Variants in SLC25A48 observed in about 807,000 individuals in gnomAD.
SLC25A48 encodes the protein solute carrier family 25 member 48, also known as CTC-321K16.1.
Under a neutral mutation model 32.2 loss-of-function variants are expected in SLC25A48, and 29 were observed. That is an observed-to-expected ratio of 0.90 (90% CI 0.67 to 1.23). The LOEUF (loss-of-function observed/expected upper bound fraction) is 1.23, where lower values mean the gene tolerates loss of function less well. Ranked by LOEUF, SLC25A48 falls within the 50% of genes most tolerant of loss-of-function variation. The pLI is 0.00. For synonymous variants in SLC25A48, 164 were observed against 172.3 expected, an observed-to-expected ratio of 0.95 and a Z score of 0.38; for missense variants, 399 against 422.7, an observed-to-expected ratio of 0.94 and a Z score of 0.49.
At chr5:135,720,099 G>T (rs1040746531) in intron 3 of SLC25A48, among the ~76,000 whole-genome samples, 1 of 152,218 alleles carries the variant, frequency 6.6e-6, no homozygotes, top group African/African-American at 2.4e-5. Flanking sequence ...GCTGAAAAAC[G>T]CAGTAGCTCA....
intron 3 of SLC25A48, among the ~76,000 whole-genome samples, chr5:135,765,383 C>T (rs1439616749): frequency 3.3e-5 from 5 of 151,144 alleles, no homozygotes; most frequent in African/African-American, 7.3e-5. Context: ...CTCTTCATAT[C>T]GCTGGTGGTG....
At chr5:135,615,326 G>T (rs180738102) in intron 1 of SLC25A48, among the ~76,000 whole-genome samples, 1 of 152,278 alleles carries the variant, frequency 6.6e-6, no homozygotes, top group South Asian at 2.1e-4. Flanking sequence ...AGTGAACACC[G>T]GGCTGATTAG....
Position 135,888,030 on chromosome 5 carries a change from A to G in SLC25A48, c.*8-2A>G, listed in dbSNP as rs762394386. On this transcript the variant is annotated splice_acceptor_variant, in intron 7 of 7. Transcript: ENST00000681962. LOFTEE classifies it low-confidence loss of function (3UTR_SPLICE). ...TGAGTCTGGGTTGTTTGCTGTTTCCAGGAGGTGAACACAGGATGACTACAG... is the reference window on the plus strand; with the variant it reads ...TGAGTCTGGGTTGTTTGCTGTTTCCGGGAGGTGAACACAGGATGACTACAG... The G allele has an allele frequency of 6.4e-7, 1 of 1,551,306 alleles. No homozygotes were observed. Among genetic ancestry groups the G allele is most frequent in the Non-Finnish European group, 8.7e-7 (1 of 1,146,662 alleles).
intron 3 of SLC25A48, among the ~76,000 whole-genome samples, chr5:135,701,701 C>T (rs1754399813): frequency 6.6e-6 from 1 of 152,186 alleles, no homozygotes; most frequent in South Asian, 2.1e-4. Flanking sequence ...GCTCCATGTT[C>T]CCTCGGCAAG....
chr5:135,643,064 C>G (rs534381701), intron 3 of SLC25A48, among the ~76,000 whole-genome samples: 1 of 152,330 alleles, frequency 6.6e-6, no homozygotes, highest in Admixed American at 6.5e-5. Flanking sequence ...GAACAGTCAG[C>G]AGTCTGGGGT....
chr5:135,883,185 T>A (rs1352034010), intron 7 of SLC25A48: 23 of 985,378 alleles, frequency 2.3e-5, no homozygotes, highest in Non-Finnish European at 2.8e-5. Context: ...CAGAACCTCT[T>A]CCTTCCTTCA....
At chr5:135,850,319 G>T (rs867724977) in intron 2 of SLC25A48, 106 bp from the exon 3 acceptor site, 1 of 1,128,326 alleles carries the variant, frequency 8.9e-7, no homozygotes, top group Middle Eastern at 2.0e-4. Context: ...CAGACCCTTT[G>T]CTGGCGGGGG....
chr5:135,634,905 G>A (rs2126910801), exon 3 of SLC25A48: 1 of 152,360 alleles, frequency 6.6e-6, no homozygotes, highest in Admixed American at 6.5e-5. Context: ...CAAGAACTCT[G>A]GAGCCAGATG....
intron 3 of SLC25A48, among the ~76,000 whole-genome samples, chr5:135,772,089 G>A (rs1280634486): frequency 1.3e-5 from 2 of 151,218 alleles, no homozygotes; most frequent in Non-Finnish European, 3.0e-5. Context: ...ACCACCCTGT[G>A]ATATTATTCA....
intron 2 of SLC25A48, among the ~76,000 whole-genome samples, chr5:135,844,616 G>C (rs1316565526): frequency 6.6e-6 from 1 of 152,166 alleles, no homozygotes; most frequent in Non-Finnish European, 1.5e-5. Flanking sequence ...AAGATTATAA[G>C]CATTGTTTCT....
At chr5:135,785,914 C>A (rs1476061083) in intron 3 of SLC25A48, among the ~76,000 whole-genome samples, 1 of 149,226 alleles carries the variant, frequency 6.7e-6, no homozygotes, top group African/African-American at 2.5e-5. Context: ...TGTAGAGCAT[C>A]CTTCTTGTCC....
At chr5:135,665,635 C>T (rs1753504913) in intron 3 of SLC25A48, among the ~76,000 whole-genome samples, 1 of 152,050 alleles carries the variant, frequency 6.6e-6, no homozygotes, top group Non-Finnish European at 1.5e-5. Context: ...TCGCGTTTTA[C>T]ATGTGGCTAG....
At chr5:135,717,154 A>G (rs1473275443) in intron 3 of SLC25A48, among the ~76,000 whole-genome samples, 1 of 152,140 alleles carries the variant, frequency 6.6e-6, no homozygotes, top group Non-Finnish European at 1.5e-5. Flanking sequence ...GGAGCTCACT[A>G]CCTGCTCTTC....
chr5:135,874,801 C>G, intron 6 of SLC25A48: 2 of 646,588 alleles, frequency 3.1e-6, no homozygotes, highest in South Asian at 3.5e-5. Flanking sequence ...TGTCTGGTGT[C>G]CAAGGTAATA....
At chr5:135,803,744 TA>T (rs1757392332) in intron 3 of SLC25A48, among the ~76,000 whole-genome samples, 2 of 151,508 alleles carry the variant, frequency 1.3e-5, no homozygotes, top group Admixed American at 1.3e-4. Flanking sequence ...GGCACTGTAA[TA>T]GGATATCGCC....
intron 3 of SLC25A48, among the ~76,000 whole-genome samples, chr5:135,670,119 T>A (rs979025278): frequency 3.3e-5 from 5 of 152,286 alleles, no homozygotes; most frequent in Admixed American, 6.5e-5. Context: ...TTTCAAGTCA[T>A]CCCAGATTTC....
At chr5:135,759,797 A>C (rs1207312147) in intron 3 of SLC25A48, among the ~76,000 whole-genome samples, 1 of 151,260 alleles carries the variant, frequency 6.6e-6, no homozygotes, top group African/African-American at 2.4e-5. Context: ...GGGATTGAAG[A>C]GCGTGTGTAT....
chr5:135,590,577 G>A (rs1027754033), intron 1 of SLC25A48, among the ~76,000 whole-genome samples: 1 of 152,034 alleles, frequency 6.6e-6, no homozygotes, highest in African/African-American at 2.4e-5. Context: ...CCTTAAGCTC[G>A]GGGCTTCTCA....
At chr5:135,647,580 AC>A (rs1378076727) in intron 3 of SLC25A48, among the ~76,000 whole-genome samples, 10 of 152,134 alleles carry the variant, frequency 6.6e-5, no homozygotes, top group African/African-American at 2.2e-4. Context: ...TGCTCTACCC[AC>A]CCTCAGCCCC....
Sources: allele counts gnomAD v4.1 joint callset (sites outside exome capture counted in the v4.1 genomes callset), GRCh38; gene constraint gnomAD v4.1.1; transcripts MANE v1.5; gene names NCBI Gene and HGNC (gene_info 2026-07-23, HGNC 2026-07-21).